OCIAD1: variants seen among roughly 807,000 people sequenced by gnomAD.
OCIAD1 encodes the protein OCIA domain-containing protein 1.
In OCIAD1, 29 loss-of-function variants were observed where a neutral mutation model predicts 38.9. The observed-to-expected ratio is 0.74, with a 90% CI of 0.55 to 1.02. The LOEUF is 1.02. OCIAD1 is among the 50% of genes least tolerant of loss of function. The pLI is 0.00. For missense variants in OCIAD1, 288 were observed against 289.6 expected (o/e 0.99, Z 0.04); for synonymous variants, 110 against 92.0 (o/e 1.20, Z -1.12).
chr4:48,825,549 A>G (rs567783563), intron 1 of OCIAD1, among the ~76,000 whole-genome samples: 2 of 152,270 alleles, frequency 1.3e-5, no homozygotes, highest in East Asian at 3.9e-4. Flanking sequence ...ATACCATTAG[A>G]CTTTGTTTTC....
intron 1 of OCIAD1, among the ~76,000 whole-genome samples, chr4:48,822,743 A>G (rs1184010026): frequency 6.6e-6 from 1 of 152,234 alleles, no homozygotes; most frequent in Non-Finnish European, 1.5e-5. Flanking sequence ...ACGAACAGAC[A>G]CTTCTCAAAA....
chr4:48,805,613 G>GCA (rs2109483126), intron 1 of OCIAD1, among the ~76,000 whole-genome samples: 1 of 152,012 alleles, frequency 6.6e-6, no homozygotes, highest in Non-Finnish European at 1.5e-5. Context: ...GAGCCTGGTA[G>GCA]TTCAAGACTG....
chr4:48,833,215 G>C (rs1367903152), intron 2 of OCIAD1, among the ~76,000 whole-genome samples, 186 bp from the exon 3 acceptor site: 2 of 152,144 alleles, frequency 1.3e-5, no homozygotes, highest in African/African-American at 4.8e-5. Flanking sequence ...TCGCGCCATT[G>C]CACTCCAGCC....
intron 1 of OCIAD1, among the ~76,000 whole-genome samples, chr4:48,815,461 C>A (rs138394941): frequency 6.6e-6 from 1 of 152,074 alleles, no homozygotes; most frequent in Admixed American, 6.6e-5. Context: ...TGAAACTATG[C>A]TTTTTTGGAA....
chr4:48,832,133 T>A (rs1777562863), intron 1 of OCIAD1, among the ~76,000 whole-genome samples: 1 of 152,254 alleles, frequency 6.6e-6, no homozygotes, highest in South Asian at 2.1e-4. Flanking sequence ...TTCCATAATT[T>A]TGGAGTGCTC....
chr4:48,824,950 G>A (rs1430256854), intron 1 of OCIAD1, among the ~76,000 whole-genome samples: 3 of 152,024 alleles, frequency 2.0e-5, no homozygotes, highest in Non-Finnish European at 4.4e-5. Context: ...TGCCCAGGTG[G>A]GTCTGGAACT....
At chr4:48,851,250 T>C (rs891639657) in intron 6 of OCIAD1, among the ~76,000 whole-genome samples, 1 of 152,256 alleles carries the variant, frequency 6.6e-6, no homozygotes, top group African/African-American at 2.4e-5. Context: ...AAAATTATCT[T>C]GAAAGGCTGG....
upstream of OCIAD1, among the ~76,000 whole-genome samples, chr4:48,826,705 A>G (rs1777255692): frequency 6.6e-6 from 1 of 152,216 alleles, no homozygotes; most frequent in Non-Finnish European, 1.5e-5. Context: ...TATTATGTCA[A>G]TTAAAAATCA....
chr4:48,861,806 G>C lies in OCIAD1; in HGVS notation c.*1044G>C, dbSNP rs1209824170. 6.6e-6 allele frequency: 1 copy of C among 152,042 alleles called. No individual in the cohort carries two copies. Among genetic ancestry groups the C allele is most frequent in the African/African-American group, 2.4e-5 (1 of 41,388 alleles). The allele number at this position is 152,042 out of a possible 1,614,324, so 9.4% of individuals were successfully genotyped here. On this transcript the variant is annotated 3_prime_UTR_variant, in exon 9 of 9. Coordinates refer to ENST00000264312, the MANE Select transcript of OCIAD1 (RefSeq NM_017830.4). ...TAAATTCTAAAACAATAAAAATTTG[G>C]TATACATCACAGAGACTGATATTAT...
chr4:48,819,648 A>T (rs910332770), intron 1 of OCIAD1, among the ~76,000 whole-genome samples: 39 of 147,504 alleles, frequency 2.6e-4, no homozygotes, highest in African/African-American at 9.2e-4. Flanking sequence ...TATATTGAAG[A>T]GACCCATCTC....
At chr4:48,837,583 G>GCC (rs1364863063) in intron 3 of OCIAD1, among the ~76,000 whole-genome samples, 1 of 151,252 alleles carries the variant, frequency 6.6e-6, no homozygotes, top group Non-Finnish European at 1.5e-5. Context: ...GAGCCACTGT[G>GCC]CCTGGCCAGA....
chr4:48,844,088 G>A (rs1018194524), intron 4 of OCIAD1, among the ~76,000 whole-genome samples: 2 of 152,182 alleles, frequency 1.3e-5, no homozygotes, highest in Non-Finnish European at 2.9e-5. Flanking sequence ...AGTGGGTTTT[G>A]AAGGATGGGC....
At chr4:48,806,613 T>C (rs560522945) in intron 1 of OCIAD1, among the ~76,000 whole-genome samples, 1 of 152,190 alleles carries the variant, frequency 6.6e-6, no homozygotes, top group Non-Finnish European at 1.5e-5. Flanking sequence ...TTAACTTTTT[T>C]TTTCTTTTTT....
At chr4:48,833,860 C>T (rs1373353707) in intron 3 of OCIAD1, among the ~76,000 whole-genome samples, 1 of 152,066 alleles carries the variant, frequency 6.6e-6, no homozygotes, top group African/African-American at 2.4e-5. Context: ...TGATAAATTA[C>T]GATGTTTGGA....
At chr4:48,849,278 A>G (rs1189554897) in intron 5 of OCIAD1, among the ~76,000 whole-genome samples, 1 of 152,184 alleles carries the variant, frequency 6.6e-6, no homozygotes, top group Non-Finnish European at 1.5e-5. Context: ...CATGTACCCT[A>G]GAACTTAAAG....
intron 1 of OCIAD1, among the ~76,000 whole-genome samples, chr4:48,824,333 C>A (rs982207643): frequency 1.3e-5 from 2 of 152,026 alleles, no homozygotes; most frequent in African/African-American, 4.8e-5. Context: ...AATAACCACT[C>A]AGTATTTACA....
At chr4:48,826,826 G>A (rs79568135), upstream of OCIAD1, among the ~76,000 whole-genome samples, 5,087 of 152,236 alleles carry the variant, frequency 0.033, 287 homozygotes, top group African/African-American at 0.12. Context: ...AAAGAGTAAT[G>A]TACACTTTTC....
chr4:48,844,185 C>G (rs1778780343), intron 4 of OCIAD1, among the ~76,000 whole-genome samples: 1 of 151,972 alleles, frequency 6.6e-6, no homozygotes, highest in Non-Finnish European at 1.5e-5. Flanking sequence ...TTGGGAGAGG[C>G]AATCAGGACT....
At position 48,861,815 on chromosome 4, in the gene OCIAD1, A is replaced by G. The variant is rs1328063422; in HGVS notation, c.*1053A>G. ...AAACAATAAAAATTTGGTATACATC[A>G]CAGAGACTGATATTATGTTAAAAAG... On this transcript the variant is annotated 3_prime_UTR_variant, in exon 9 of 9. Coordinates refer to ENST00000264312, the MANE Select transcript of OCIAD1 (RefSeq NM_017830.4). 6.6e-6 allele frequency: 1 copy of G among 152,222 alleles called. No homozygotes were observed. The allele number at this position is 152,222 out of a possible 1,614,324, so 9.4% of individuals were successfully genotyped here.
Sources: allele counts gnomAD v4.1 joint callset (sites outside exome capture counted in the v4.1 genomes callset), GRCh38; gene constraint gnomAD v4.1.1; transcripts MANE v1.5; gene names NCBI Gene and HGNC (gene_info 2026-07-23, HGNC 2026-07-21).